Variants in MKNK1 observed in about 807,000 individuals in gnomAD.
MKNK1 encodes MAPK interacting serine/threonine kinase 1.
A neutral mutation model predicts 49.3 loss-of-function variants in MKNK1; 30 were observed. The observed-to-expected ratio is 0.61, with a 90% CI of 0.46 to 0.83. MKNK1 has a LOEUF of 0.83. MKNK1 is among the 40% of genes least tolerant of loss of function. The pLI, the probability that MKNK1 is intolerant of heterozygous loss-of-function variation, is 0.00. For missense variants in MKNK1, 423 were observed against 524.7 expected, an observed-to-expected ratio of 0.81 and a Z score of 1.89; for synonymous variants, 176 against 201.7, an observed-to-expected ratio of 0.87 and a Z score of 1.08.
At chr1:46,586,739 G>A (rs1672630369) in intron 2 of MKNK1, among the ~76,000 whole-genome samples, 1 of 152,164 alleles carries the variant, frequency 6.6e-6, no homozygotes, top group Non-Finnish European at 1.5e-5. Flanking sequence ...ATCCAGTTCA[G>A]GAATTCTACT....
At chr1:46,590,474 T>C (rs1024995587) in intron 2 of MKNK1, among the ~76,000 whole-genome samples, 1 of 152,238 alleles carries the variant, frequency 6.6e-6, no homozygotes, top group African/African-American at 2.4e-5. Context: ...ATCACTACTT[T>C]ATGAGCTAAG....
intron 11 of MKNK1, among the ~76,000 whole-genome samples, 166 bp from the exon 12 acceptor site, chr1:46,560,443 G>C (rs1335965029): frequency 6.6e-6 from 1 of 152,184 alleles, no homozygotes; most frequent in East Asian, 1.9e-4. Flanking sequence ...AGCAAGAAAG[G>C]TACAATCTGC....
At chr1:46,569,387 A>C (rs1362769386) in intron 7 of MKNK1, 2 of 152,286 alleles carry the variant, frequency 1.3e-5, no homozygotes, top group African/African-American at 2.4e-5. Context: ...ACAAAGAACT[A>C]ACTCTGGGTC....
chr1:46,562,258 G>A (rs892955835), intron 10 of MKNK1, among the ~76,000 whole-genome samples: 2 of 151,966 alleles, frequency 1.3e-5, no homozygotes, highest in African/African-American at 4.8e-5. Context: ...AGCCAGACGT[G>A]GTGGCCGGCG....
At chr1:46,566,073 A>G (rs149689288) in intron 8 of MKNK1, among the ~76,000 whole-genome samples, 4 of 152,360 alleles carry the variant, frequency 2.6e-5, no homozygotes, top group African/African-American at 9.6e-5. Context: ...CATCACCACG[A>G]TCTGTTTCTA....
chr1:46,587,790 C>T (rs1672786004), intron 2 of MKNK1, among the ~76,000 whole-genome samples: 1 of 151,966 alleles, frequency 6.6e-6, no homozygotes. Flanking sequence ...GCACTCCAGC[C>T]TGCGCAACAA....
intron 4 of MKNK1, among the ~76,000 whole-genome samples, chr1:46,577,699 CT>C (rs772567460): frequency 6.6e-6 from 1 of 152,168 alleles, no homozygotes; most frequent in Non-Finnish European, 1.5e-5. Context: ...GCTGCTCCCC[CT>C]CCACACTTTT....
Position 46,561,659 on chromosome 1 carries a change from C to G in MKNK1, c.805-17G>C. On this transcript the variant is annotated splice_polypyrimidine_tract_variant and intron_variant, in intron 10 of 12. Coordinates refer to ENST00000371945, the MANE Select transcript of MKNK1 (RefSeq NM_001135553.4). Reference sequence around the variant, plus strand: ...CAGCTTGTTCTAGGTACAAAAGATTCCTCCTGAGGCCACACTGCCAGGGAT... The same window carrying G: ...CAGCTTGTTCTAGGTACAAAAGATTGCTCCTGAGGCCACACTGCCAGGGAT... The G allele has an allele frequency of 6.2e-7, 1 of 1,611,708 alleles. No individual in the cohort carries two copies. The highest frequency in any genetic ancestry group is 8.5e-7 in the Non-Finnish European group (1 of 1,178,696).
chr1:46,584,238 T>C (rs1339002372), intron 2 of MKNK1, among the ~76,000 whole-genome samples: 1 of 152,234 alleles, frequency 6.6e-6, no homozygotes, highest in Admixed American at 6.5e-5. Context: ...CACTCTAGTA[T>C]GGGCCTTTCC....
intron 1 of MKNK1, among the ~76,000 whole-genome samples, chr1:46,600,974 T>C (rs1388946021): frequency 6.6e-6 from 1 of 152,016 alleles, no homozygotes; most frequent in Non-Finnish European, 1.5e-5. Context: ...TGGAGTGCAA[T>C]GGCACAATTT....
At chr1:46,572,315 C>T (rs898066703) in intron 6 of MKNK1, 148 bp from the exon 7 acceptor site, 44 of 557,052 alleles carry the variant, frequency 7.9e-5, no homozygotes, top group East Asian at 6.9e-4. Flanking sequence ...CGGGTTCAAG[C>T]GATTCTCCTG....
At chr1:46,579,982 G>C (rs567031163) in intron 4 of MKNK1, among the ~76,000 whole-genome samples, 1 of 152,216 alleles carries the variant, frequency 6.6e-6, no homozygotes, top group South Asian at 2.1e-4. Flanking sequence ...CACTTGGATA[G>C]CATTTTGTGA....
chr1:46,564,999 A>C (rs1209858102), intron 9 of MKNK1, 42 bp downstream of exon 9: 1 of 1,584,624 alleles, frequency 6.3e-7, no homozygotes, highest in Non-Finnish European at 8.7e-7. Context: ...TGGATCAGGG[A>C]AACACTCCAA....
intron 7 of MKNK1, chr1:46,571,574 T>G (rs1263744556): frequency 4.7e-6 from 2 of 427,778 alleles, no homozygotes; most frequent in Non-Finnish European, 9.2e-6. Flanking sequence ...GAAAAATAGA[T>G]TTTTCATTTA....
At chr1:46,575,056 G>C (rs754000058) in intron 5 of MKNK1, 36 bp from the exon 6 acceptor site, 10 of 1,354,628 alleles carry the variant, frequency 7.4e-6, no homozygotes, top group Non-Finnish European at 1.1e-5. Flanking sequence ...GGGAAAAGGG[G>C]GGAAATGGTA....
At chr1:46,583,971 G>A (rs1672135561) in intron 2 of MKNK1, among the ~76,000 whole-genome samples, 1 of 152,246 alleles carries the variant, frequency 6.6e-6, no homozygotes, top group South Asian at 2.1e-4. Flanking sequence ...TGCAGGTAGT[G>A]CCCATTCAGA....
At chr1:46,576,336 T>A in intron 5 of MKNK1, 1 of 451,114 alleles carries the variant, frequency 2.2e-6, no homozygotes, top group Non-Finnish European at 4.0e-6. Flanking sequence ...GATAGTTCAT[T>A]CTTCTAACTT....
chr1:46,594,954 T>A, intron 1 of MKNK1: 4 of 276,210 alleles, frequency 1.4e-5, no homozygotes, highest in South Asian at 1.1e-4. Context: ...GCCACTGCAC[T>A]CCAACCTGGG....
intron 6 of MKNK1, among the ~76,000 whole-genome samples, chr1:46,573,469 A>T (rs991706438): frequency 6.6e-6 from 1 of 152,212 alleles, no homozygotes; most frequent in Non-Finnish European, 1.5e-5. Flanking sequence ...TACTACTAGA[A>T]GCCAGCATTT....
Sources: allele counts gnomAD v4.1 joint callset (sites outside exome capture counted in the v4.1 genomes callset), GRCh38; gene constraint gnomAD v4.1.1; transcripts MANE v1.5; gene names NCBI Gene and HGNC (gene_info 2026-07-23, HGNC 2026-07-21).